The following FAM241A variants were observed in gnomAD, a reference collection of about 807,000 sequenced individuals.
FAM241A encodes uncharacterized protein FAM241A.
In FAM241A, 7 loss-of-function variants were observed where a neutral mutation model predicts 12.2. The observed-to-expected ratio is 0.58, with a 90% CI of 0.33 to 1.08. The LOEUF (loss-of-function observed/expected upper bound fraction) is 1.08. Ranked by LOEUF, FAM241A falls within the 50% of genes least tolerant of loss-of-function variation. The pLI is 0.04. For synonymous variants in FAM241A, 74 were observed against 68.2 expected (o/e 1.08, Z -0.42); for missense variants, 161 against 169.7 (o/e 0.95, Z 0.29).
At chr4:112,157,200 T>C (rs1723371026) in intron 1 of FAM241A, among the ~76,000 whole-genome samples, 1 of 152,114 alleles carries the variant, frequency 6.6e-6, no homozygotes, top group South Asian at 2.1e-4. Context: ...ACTAAAAGTA[T>C]TTATGGAGAA....
At chr4:112,165,001 GT>G (rs1459872665) in intron 1 of FAM241A, among the ~76,000 whole-genome samples, 1 of 152,142 alleles carries the variant, frequency 6.6e-6, no homozygotes, top group Non-Finnish European at 1.5e-5. Flanking sequence ...GGAGGCTGAG[GT>G]GGGAGAATCA....
rs1388225679 is a variant in FAM241A at position 112,193,168 on chromosome 4, T to G, written c.*6230T>G. ...TTCTTTTGAGAAGTGTCTGTTCATG[T>G]CCTTTGCCCACTTTTTGATGGGGTT... On this transcript the variant is annotated 3_prime_UTR_variant, in exon 2 of 2. Coordinates refer to ENST00000309733, the MANE Select transcript of FAM241A (RefSeq NM_152400.3). The G allele has an allele frequency of 1.3e-5, 2 of 151,336 alleles. No individual in the cohort carries two copies. Among genetic ancestry groups the G allele is most frequent in the Admixed American group, 1.3e-4 (2 of 15,234 alleles). 9.4% of individuals were successfully genotyped at this position (151,336 alleles called of 1,614,324 possible).
intron 1 of FAM241A, among the ~76,000 whole-genome samples, chr4:112,182,955 G>A (rs1194301163): frequency 4.0e-5 from 6 of 148,398 alleles, no homozygotes; most frequent in Non-Finnish European, 7.4e-5. Flanking sequence ...CCTTTTCCAC[G>A]TTCTTTTTTT....
chr4:112,160,481 C>T (rs560754267), intron 1 of FAM241A, among the ~76,000 whole-genome samples: 11 of 151,852 alleles, frequency 7.2e-5, no homozygotes, highest in Non-Finnish European at 1.3e-4. Flanking sequence ...CCATACTACC[C>T]GAAGCAACCT....
chr4:112,150,227 G>T (rs1723221010), intron 1 of FAM241A, among the ~76,000 whole-genome samples: 1 of 151,882 alleles, frequency 6.6e-6, no homozygotes, highest in Non-Finnish European at 1.5e-5. Context: ...ATCTTTTATA[G>T]TATTAAGGAT....
intron 1 of FAM241A, among the ~76,000 whole-genome samples, chr4:112,177,049 T>C (rs1387944594): frequency 1.3e-5 from 2 of 152,192 alleles, no homozygotes; most frequent in Non-Finnish European, 2.9e-5. Context: ...TATCTCTTCA[T>C]TCTTGCCGAG....
In FAM241A at chr4:112,194,874, G is replaced by A. The variant is rs539099982; in HGVS notation, c.*7936G>A. 6.6e-6 allele frequency: 1 copy of A among 152,340 alleles called. No homozygotes were observed. Among genetic ancestry groups the A allele is most frequent in the East Asian group, 1.9e-4 (1 of 5,180 alleles). The allele number at this position is 152,340 out of a possible 1,614,324, so 9.4% of individuals were successfully genotyped here. ...GACTCACTGCAACCTCCGCCTCCCA[G>A]GTTTAAGCAATTCTCCTGTCTCAGC... On this transcript the variant is annotated 3_prime_UTR_variant, in exon 2 of 2. Transcript: ENST00000309733.
Position 112,193,221 on chromosome 4 carries a change from G to A in FAM241A, c.*6283G>A, listed in dbSNP as rs1341851794. Reference sequence around the variant, plus strand: ...TTGTTTTTTTCTTGTAAATTTGTTTGAGTTCATTGTAGATTCTGGATATTA... The same window carrying A: ...TTGTTTTTTTCTTGTAAATTTGTTTAAGTTCATTGTAGATTCTGGATATTA... On this transcript the variant is annotated 3_prime_UTR_variant, in exon 2 of 2. Coordinates refer to ENST00000309733, the MANE Select transcript of FAM241A (RefSeq NM_152400.3). The A allele has an allele frequency of 1.3e-5, 2 of 151,358 alleles. No homozygotes were observed. The highest frequency in any genetic ancestry group is 2.4e-5 in the African/African-American group (1 of 41,112). 9.4% of individuals were successfully genotyped at this position (151,358 alleles called of 1,614,324 possible).
chr4:112,152,004 C>G (rs906735344), intron 1 of FAM241A, among the ~76,000 whole-genome samples: 5 of 152,162 alleles, frequency 3.3e-5, no homozygotes, highest in Non-Finnish European at 7.3e-5. Flanking sequence ...ATTTTAAAAG[C>G]AGTTTGCAAG....
intron 1 of FAM241A, among the ~76,000 whole-genome samples, chr4:112,180,655 A>G (rs1403584024): frequency 6.6e-6 from 1 of 152,216 alleles, no homozygotes; most frequent in African/African-American, 2.4e-5. Context: ...TTTAAAAAAA[A>G]AACTTTTTTT....
intron 1 of FAM241A, among the ~76,000 whole-genome samples, chr4:112,164,262 A>T (rs948792300): frequency 3.3e-5 from 5 of 150,120 alleles, no homozygotes; most frequent in Admixed American, 6.7e-5. Context: ...TTAAAATATA[A>T]TTTTTTTAAA....
At chr4:112,167,383 T>G (rs1324318733) in intron 1 of FAM241A, among the ~76,000 whole-genome samples, 1 of 151,672 alleles carries the variant, frequency 6.6e-6, no homozygotes, top group Admixed American at 6.6e-5. Flanking sequence ...ACACCTAGAG[T>G]GACTAGTAGG....
chr4:112,184,040 A>T (rs1465749472), intron 1 of FAM241A, among the ~76,000 whole-genome samples: 1 of 152,204 alleles, frequency 6.6e-6, no homozygotes, highest in African/African-American at 2.4e-5. Flanking sequence ...AACTATCAGT[A>T]TCAAAAAAGG....
rs534406329 is a variant in FAM241A at position 112,190,951 on chromosome 4, G to A, written c.*4013G>A. 1.3e-5 allele frequency: 2 copies of A among 152,250 alleles called. No individual in the cohort carries two copies. The highest frequency in any genetic ancestry group is 2.9e-5 in the Non-Finnish European group (2 of 68,046). 9.4% of individuals were successfully genotyped at this position (152,250 alleles called of 1,614,324 possible). On this transcript the variant is annotated 3_prime_UTR_variant, in exon 2 of 2. Transcript: ENST00000309733. ...CAGAGTTACCATTTGCATCCTAACA[G>A]CTCCCCAATTTGCATCTCTAGATCA...
Position 112,187,439 on chromosome 4 carries a change from C to T in FAM241A, c.*501C>T, listed in dbSNP as rs910912851. On this transcript the variant is annotated 3_prime_UTR_variant, in exon 2 of 2. Transcript: ENST00000309733. ...TTGGATTTCAATTGTCCCTACCCAGCCTAAACTAAGGTAAATGATAATTAG... is the reference window on the plus strand; with the variant it reads ...TTGGATTTCAATTGTCCCTACCCAGTCTAAACTAAGGTAAATGATAATTAG... 1 of 152,926 alleles carries T rather than the reference C, an allele frequency of 6.5e-6. No individual in the cohort carries two copies. Among genetic ancestry groups the T allele is most frequent in the African/African-American group, 2.4e-5 (1 of 41,380 alleles). 9.5% of individuals were successfully genotyped at this position (152,926 alleles called of 1,614,324 possible). A position where few individuals can be genotyped will look rare whatever the true frequency, so the allele number is the denominator to read the frequency against.
intron 1 of FAM241A, among the ~76,000 whole-genome samples, chr4:112,160,308 G>A (rs910814769): frequency 6.6e-6 from 1 of 151,006 alleles, no homozygotes; most frequent in Non-Finnish European, 1.5e-5. Flanking sequence ...CTCGGAGGCC[G>A]AGACGAGAAT....
At chr4:112,166,369 A>G (rs1035623714) in intron 1 of FAM241A, among the ~76,000 whole-genome samples, 4 of 152,022 alleles carry the variant, frequency 2.6e-5, no homozygotes, top group Non-Finnish European at 5.9e-5. Context: ...TTTTAAAAGT[A>G]CATTTCTTAA....
chr4:112,159,033 C>T (rs1346958010), intron 1 of FAM241A, among the ~76,000 whole-genome samples: 1 of 152,100 alleles, frequency 6.6e-6, no homozygotes, highest in Admixed American at 6.5e-5. Flanking sequence ...AAAAATCAAC[C>T]TTTTTAGCTC....
rs1724185363 is a variant in FAM241A, at chr4:112,192,442, C to T, written c.*5504C>T. 6.6e-6 allele frequency: 1 copy of T among 151,490 alleles called. No individual in the cohort carries two copies. Among genetic ancestry groups the T allele is most frequent in the African/African-American group, 2.4e-5 (1 of 41,096 alleles). The allele number at this position is 151,490 out of a possible 1,614,324, so 9.4% of individuals were successfully genotyped here. ...ACATGTGCCATGCTAGTGTGCTGCA[C>T]CCATTAACTCGTCATTTAGCATTAG... On this transcript the variant is annotated 3_prime_UTR_variant, in exon 2 of 2. Transcript: ENST00000309733.
Sources: gnomAD v4.1 joint callset for allele counts (sites outside exome capture counted in the v4.1 genomes callset) on GRCh38, gnomAD v4.1.1 for gene constraint, MANE v1.5 for transcripts, NCBI Gene and HGNC (gene_info 2026-07-23, HGNC 2026-07-21) for gene names.